Variants in RYR3 observed in about 807,000 individuals in gnomAD.
RYR3 encodes ryanodine receptor 3.
In RYR3, 207 loss-of-function variants were observed where a neutral mutation model predicts 584.3. The observed-to-expected ratio is 0.35, with a 90% CI of 0.32 to 0.40. The LOEUF (loss-of-function observed/expected upper bound fraction) is 0.40. Among genes scored for constraint, RYR3 ranks in the 10% least tolerant of loss-of-function variants. The pLI, the probability that RYR3 is intolerant of heterozygous loss-of-function variation, is 1.00. For synonymous variants in RYR3, 2,416 were observed against 2,248.5 expected, an observed-to-expected ratio of 1.07 and a Z score of -2.11; for missense variants, 5,616 against 6,089.2, an observed-to-expected ratio of 0.92 and a Z score of 2.59.
At chr15:33,691,656 G>A (rs1355744326) in intron 38 of RYR3, among the ~76,000 whole-genome samples, 1 of 152,042 alleles carries the variant, frequency 6.6e-6, no homozygotes, top group Non-Finnish European at 1.5e-5. Flanking sequence ...AAAAAACACT[G>A]AACTTTAATA....
intron 38 of RYR3, among the ~76,000 whole-genome samples, chr15:33,677,041 C>A (rs2064230098): frequency 2.0e-5 from 3 of 152,114 alleles, no homozygotes; most frequent in Admixed American, 2.0e-4. Context: ...AACAAGCAAC[C>A]AAGTATAGTG....
intron 4 of RYR3, among the ~76,000 whole-genome samples, chr15:33,531,125 A>T (rs2054830748): frequency 1.3e-5 from 2 of 152,120 alleles, no homozygotes; most frequent in Admixed American, 6.5e-5. Flanking sequence ...GAGAAATAGA[A>T]TGGTACTCAC....
chr15:33,467,179 C>T (rs1319100481), intron 1 of RYR3, among the ~76,000 whole-genome samples: 1 of 152,206 alleles, frequency 6.6e-6, no homozygotes, highest in African/African-American at 2.4e-5. Context: ...TAAAGCAATA[C>T]ATCATTATGG....
intron 1 of RYR3, among the ~76,000 whole-genome samples, chr15:33,366,416 A>G (rs1975507359): frequency 6.6e-6 from 1 of 152,218 alleles, no homozygotes; most frequent in African/African-American, 2.4e-5. Flanking sequence ...GGCATAATAA[A>G]AAAAGATCTG....
rs1163146558 is a variant in RYR3, at chr15:33,801,971, T to TA, written c.10011+11dup. 6.7e-7 allele frequency: 1 copy of TA among 1,501,606 alleles called. No individual in the cohort carries two copies. The highest frequency in any genetic ancestry group is 1.4e-5 in the African/African-American group (1 of 72,748). The allele number at this position is 1,501,606 out of a possible 1,614,324, so 93.0% of individuals were successfully genotyped here. A position where few individuals can be genotyped will look rare whatever the true frequency, so the allele number is the denominator to read the frequency against. The stretch of plus-strand genomic sequence containing the variant: ...AAGCAAGATGTCAAAAGTAAGTCCT[T>TA]AGAAATCAATTCCAAAAACTCTTCA... On this transcript the variant is annotated intron_variant, in intron 69 of 103. Coordinates refer to ENST00000634891, the MANE Select transcript of RYR3 (RefSeq NM_001036.6).
intron 1 of RYR3, among the ~76,000 whole-genome samples, chr15:33,428,883 A>G (rs775555668): frequency 1.8e-4 from 28 of 152,098 alleles, no homozygotes; most frequent in Non-Finnish European, 3.8e-4. Context: ...AGATAACACA[A>G]TATACCAGGT....
chr15:33,557,677 C>G (rs2057155789), intron 10 of RYR3, among the ~76,000 whole-genome samples: 1 of 152,100 alleles, frequency 6.6e-6, no homozygotes, highest in South Asian at 2.1e-4. Flanking sequence ...GCCACCATGC[C>G]CGGCCGGGTT....
intron 1 of RYR3, among the ~76,000 whole-genome samples, chr15:33,320,896 AG>A (rs1439422063): frequency 6.6e-6 from 1 of 152,248 alleles, no homozygotes; most frequent in Admixed American, 6.5e-5. Flanking sequence ...GAAAGTACAA[AG>A]GGACAATCCC....
chr15:33,475,286 G>C (rs369047716), intron 2 of RYR3, among the ~76,000 whole-genome samples: 3 of 152,280 alleles, frequency 2.0e-5, no homozygotes, highest in East Asian at 1.9e-4. Context: ...GTCATCCATC[G>C]AGTAGGGTAT....
At chr15:33,740,741 G>A (rs1393702382) in intron 51 of RYR3, among the ~76,000 whole-genome samples, 1 of 152,234 alleles carries the variant, frequency 6.6e-6, no homozygotes, top group Non-Finnish European at 1.5e-5. Context: ...GTAAGCCTGA[G>A]CCTATATGAG....
chr15:33,702,231 G>C (rs1224267778), intron 42 of RYR3, among the ~76,000 whole-genome samples: 1 of 152,152 alleles, frequency 6.6e-6, no homozygotes. Context: ...GGTCACCGTA[G>C]AGCCAAGAGT....
chr15:33,378,524 C>A (rs923007036), intron 1 of RYR3, among the ~76,000 whole-genome samples: 1 of 152,142 alleles, frequency 6.6e-6, no homozygotes, highest in African/African-American at 2.4e-5. Context: ...TTTGCAATGA[C>A]GGCCAACGAA....
At chr15:33,398,161 G>A (rs2676067) in intron 1 of RYR3, among the ~76,000 whole-genome samples, 135,310 of 152,294 alleles carry the variant, frequency 0.89, 60,241 homozygotes, top group East Asian at 1. Flanking sequence ...AAAATGGATG[G>A]TGAACACACA....
At chr15:33,865,089 CTGTGGTTTAAAAA>C (rs1243651529) in intron 103 of RYR3, 29 bp from the exon 104 acceptor site, 1 of 1,504,514 alleles carries the variant, frequency 6.6e-7, no homozygotes, top group East Asian at 2.3e-5. Context: ...TTAGCTTTTA[CTGTGGTTTAAAAA>C]TAAGCACCCG....
rs1039597009 is a variant in RYR3, at chr15:33,759,530, C to T, written c.8705+1934C>T. On this transcript the variant is annotated intron_variant, in intron 60 of 103. Transcript: ENST00000634891. Reference sequence around the variant, plus strand: ...AGTATCAATATCCAAATCAATCTAGCGGAAGAAAGGAAATCAGAGATTGAA... The same window carrying T: ...AGTATCAATATCCAAATCAATCTAGTGGAAGAAAGGAAATCAGAGATTGAA... Among the ~76,000 whole-genome samples, 5 of 151,814 alleles carry T rather than the reference C, an allele frequency of 3.3e-5. No individual in the cohort carries two copies. The East Asian group carries it at 7.7e-4, about 24-fold the overall frequency.
At position 33,663,547 on chromosome 15, in the gene RYR3, T is replaced by G; in HGVS notation, c.5429T>G (p.Leu1810Arg). 1 of 1,613,664 alleles carries G rather than the reference T, an allele frequency of 6.2e-7. No homozygotes were observed. The highest frequency in any genetic ancestry group is 8.5e-7 in the Non-Finnish European group (1 of 1,179,772). The change falls in exon 36 of 104, where the codon CTC becomes CGC. Residue 1810 changes from leucine (L) to arginine (R), a missense_variant. Coordinates refer to ENST00000634891, the MANE Select transcript of RYR3 (RefSeq NM_001036.6). ...PESVKLQMCE[L>R]LSYLCDCELQ... is the part of the protein sequence containing the mutation. The stretch of plus-strand genomic sequence containing the variant: ...ATACTTTCATTGCAGATGTGTGAGC[T>G]CCTCAGCTATCTCTGCGACTGTGAG...
chr15:33,338,938 TAAAGG>T (rs1320759908), intron 1 of RYR3, among the ~76,000 whole-genome samples: 2 of 152,116 alleles, frequency 1.3e-5, no homozygotes, highest in Non-Finnish European at 2.9e-5. Flanking sequence ...TGTAAAACTA[TAAAGG>T]AAAGCAAGAG....
chr15:33,533,380 C>G lies in RYR3; in HGVS notation c.424C>G (p.His142Asp). The change falls in exon 5 of 104, where the codon CAT (histidine) becomes GAT (aspartate). Residue 142 changes from histidine to aspartate, a missense_variant. Physicochemically the swap from His to Asp is moderately conservative, Grantham distance 81 (BLOSUM62 -1). Around this residue, in one of 9 missense-constraint regions of RYR3, gnomAD observed 1,284 missense variants for 1,344.6 expected, o/e 0.95. Transcript: ENST00000634891. Reference sequence around the variant, plus strand: ...TGCCTTTGATGTAGGTCTACGGGAACATGCCACAGGTGAGTCAGCATTCCC... The same window carrying G: ...TGCCTTTGATGTAGGTCTACGGGAAGATGCCACAGGTGAGTCAGCATTCCC... ...KLAFDVGLRE[H>D]ATGEACWWTI... 1.2e-6 allele frequency: 2 copies of G among 1,605,452 alleles called. No individual in the cohort carries two copies. The highest frequency in any genetic ancestry group is 2.2e-5 in the South Asian group (2 of 89,068).
chr15:33,400,631 A>G (rs1053507174), intron 1 of RYR3, among the ~76,000 whole-genome samples: 1 of 152,184 alleles, frequency 6.6e-6, no homozygotes, highest in African/African-American at 2.4e-5. Flanking sequence ...TGTATGGAAC[A>G]AGATAAAGCA....
Sources: gnomAD v4.1 joint callset for allele counts (sites outside exome capture counted in the v4.1 genomes callset) on GRCh38, gnomAD v4.1.1 for gene constraint, gnomAD v4.1.1 regional missense constraint, MANE v1.5 for transcripts, NCBI Gene and HGNC (gene_info 2026-07-23, HGNC 2026-07-21) for gene names.